LRRIQ1: variants seen among roughly 807,000 people sequenced by gnomAD.
The protein encoded by LRRIQ1 is leucine-rich repeat- and IQ domain-containing protein 1.
In LRRIQ1, 210 loss-of-function variants were observed where a neutral mutation model predicts 211.9. The ratio of observed to expected loss-of-function variants is 0.99; its 90% confidence interval spans 0.89 to 1.11. The LOEUF is 1.11. Among genes scored for constraint, LRRIQ1 ranks in the 50% most tolerant of loss-of-function variants. The pLI is 0.00. For synonymous variants in LRRIQ1, 699 were observed against 650.1 expected (o/e 1.08, Z -1.14); for missense variants, 2,136 against 1,939.5 (o/e 1.10, Z -1.90).
At chr12:85,184,402 G>A (rs897651015) in intron 24 of LRRIQ1, among the ~76,000 whole-genome samples, 3 of 151,890 alleles carry the variant, frequency 2.0e-5, no homozygotes, top group Non-Finnish European at 4.4e-5. Context: ...TAAATCACCA[G>A]AATAGTTTGA....
In LRRIQ1 at chr12:85,052,548, A is replaced by C. The variant is rs541825353; in HGVS notation, c.753+297A>C. Among the ~76,000 whole-genome samples, 21 of 152,144 alleles carry C rather than the reference A, an allele frequency of 1.4e-4. No homozygotes were observed. The East Asian group carries it at 2.9e-3, about 21-fold the overall frequency. ...TCTTTATGTTCAAAGATTGTTATGA[A>C]AGCTTACTCTTTTTCCTAAACACAA... On this transcript the variant is annotated intron_variant, in intron 7 of 26. Coordinates refer to ENST00000393217, the MANE Select transcript of LRRIQ1 (RefSeq NM_001079910.2).
chr12:85,200,082 T>A (rs1893216111), intron 24 of LRRIQ1, among the ~76,000 whole-genome samples: 1 of 152,206 alleles, frequency 6.6e-6, no homozygotes, highest in African/African-American at 2.4e-5. Context: ...TTAACAATAT[T>A]GATTCTTCCT....
chr12:85,080,530 C>G (rs1884168953), intron 11 of LRRIQ1, among the ~76,000 whole-genome samples: 1 of 151,288 alleles, frequency 6.6e-6, no homozygotes, highest in Non-Finnish European at 1.5e-5. Context: ...TTTCATTTGT[C>G]TCCATGTATT....
At chr12:85,188,864 T>TA in intron 24 of LRRIQ1, among the ~76,000 whole-genome samples, 1 of 152,094 alleles carries the variant, frequency 6.6e-6, no homozygotes, top group Non-Finnish European at 1.5e-5. Flanking sequence ...CTATTACACA[T>TA]AAAATTTTTG....
rs537124216 is a variant in LRRIQ1, at chr12:85,202,116, A to G, written c.4823-27401A>G. ...AGTGATTTTCTTAGTATTGATTTCT[A>G]TTTTTATTGTGCTATGGTCTTGATT... On this transcript the variant is annotated intron_variant, in intron 24 of 26. Transcript: ENST00000393217. Among the ~76,000 whole-genome samples the G allele has an allele frequency of 2.7e-4, 41 of 152,078 alleles. 1 individual carries two copies. In the South Asian group the frequency reaches 3.1e-3, roughly 12 times the overall value.
intron 26 of LRRIQ1, among the ~76,000 whole-genome samples, chr12:85,242,216 G>A (rs1463885223): frequency 6.6e-6 from 1 of 151,796 alleles, no homozygotes; most frequent in Non-Finnish European, 1.5e-5. Context: ...TCCAACATAC[G>A]TTTTTGTAGA....
intron 22 of LRRIQ1, 88 bp downstream of exon 22, chr12:85,153,846 C>A: frequency 1.0e-6 from 1 of 972,194 alleles, no homozygotes; most frequent in Non-Finnish European, 1.5e-6. Context: ...TTTAAGAATA[C>A]CTATATTAGT....
At chr12:85,092,712 T>C (rs1885517147) in intron 11 of LRRIQ1, among the ~76,000 whole-genome samples, 1 of 152,200 alleles carries the variant, frequency 6.6e-6, no homozygotes, top group Admixed American at 6.6e-5. Context: ...CCAAGCACCC[T>C]GCACTAACCT....
At chr12:85,257,129 A>T (rs1200883457) in intron 1 of LRRIQ1, among the ~76,000 whole-genome samples, 104 of 100,414 alleles carry the variant, frequency 1.0e-3, no homozygotes, top group African/African-American at 3.9e-3. Context: ...ATAATATATA[A>T]TATATATTAT....
At chr12:85,105,062 C>G (rs754192708) in intron 14 of LRRIQ1, among the ~76,000 whole-genome samples, 24 of 152,050 alleles carry the variant, frequency 1.6e-4, no homozygotes, top group Non-Finnish European at 2.1e-4. Flanking sequence ...TGTGTCTATT[C>G]AAGTGTTTCA....
At chr12:85,133,870 T>G (rs1427566174) in intron 18 of LRRIQ1, among the ~76,000 whole-genome samples, 1 of 152,122 alleles carries the variant, frequency 6.6e-6, no homozygotes, top group African/African-American at 2.4e-5. Flanking sequence ...TCTACTATAC[T>G]GTATCAGATA....
At chr12:85,047,218 G>T in intron 5 of LRRIQ1, 29 bp from the exon 6 acceptor site, 2 of 1,494,794 alleles carry the variant, frequency 1.3e-6, no homozygotes, top group Non-Finnish European at 1.8e-6. Context: ...TCTTACAAAT[G>T]ATGATGTTAT....
intron 24 of LRRIQ1, among the ~76,000 whole-genome samples, chr12:85,219,409 C>T (rs1226654173): frequency 6.6e-6 from 1 of 152,014 alleles, no homozygotes; most frequent in African/African-American, 2.4e-5. Context: ...TCCGTAATAT[C>T]AAAAAATGTG....
intron 19 of LRRIQ1, among the ~76,000 whole-genome samples, chr12:85,144,697 A>G (rs559158737): frequency 1.3e-5 from 2 of 151,786 alleles, no homozygotes; most frequent in Admixed American, 6.6e-5. Flanking sequence ...GGATCAGTCC[A>G]CATTAGGCCT....
At chr12:85,190,371 A>G (rs1892445395) in intron 24 of LRRIQ1, among the ~76,000 whole-genome samples, 1 of 146,532 alleles carries the variant, frequency 6.8e-6, no homozygotes, top group Non-Finnish European at 1.5e-5. Context: ...CTATACAGTT[A>G]ATAAATATAC....
chr12:85,146,306 G>A (rs1889891143), intron 19 of LRRIQ1, among the ~76,000 whole-genome samples: 1 of 151,746 alleles, frequency 6.6e-6, no homozygotes, highest in Non-Finnish European at 1.5e-5. Context: ...TCCACCCCAT[G>A]GGATGACTGA....
At chr12:85,202,668 T>G (rs1437052819) in intron 24 of LRRIQ1, among the ~76,000 whole-genome samples, 1 of 152,192 alleles carries the variant, frequency 6.6e-6, no homozygotes, top group Non-Finnish European at 1.5e-5. Flanking sequence ...TTTGAGCTGA[T>G]GGGTGTCCTT....
intron 8 of LRRIQ1, 62 bp downstream of exon 8, chr12:85,057,246 T>C: frequency 8.9e-7 from 1 of 1,118,688 alleles, no homozygotes; most frequent in Non-Finnish European, 1.2e-6. Context: ...AAAGTATAAC[T>C]TTTCAGATCT....
chr12:85,119,693 T>C (rs572235226), intron 15 of LRRIQ1, among the ~76,000 whole-genome samples: 2 of 152,248 alleles, frequency 1.3e-5, no homozygotes, highest in Admixed American at 1.3e-4. Flanking sequence ...TATTTCTGGG[T>C]TTTGGTTATT....
Sources: allele counts gnomAD v4.1 joint callset (sites outside exome capture counted in the v4.1 genomes callset), GRCh38; gene constraint gnomAD v4.1.1; transcripts MANE v1.5; gene names NCBI Gene and HGNC (gene_info 2026-07-23, HGNC 2026-07-21).